The following POU6F1 variants were observed in gnomAD, a reference collection of about 807,000 sequenced individuals.
POU6F1 encodes POU domain, class 6, transcription factor 1.
POU6F1 carries 9 observed loss-of-function variants against 28.9 expected under a neutral mutation model. The observed-to-expected ratio is 0.31, with a 90% CI of 0.19 to 0.54. The LOEUF (loss-of-function observed/expected upper bound fraction) is 0.54, where lower values mean the gene tolerates loss of function less well. Ranked by LOEUF, POU6F1 falls within the 20% of genes least tolerant of loss-of-function variation. The pLI is 0.94. For missense variants in POU6F1, 338 were observed against 426.1 expected (o/e 0.79, Z 1.82); for synonymous variants, 173 against 171.1 (o/e 1.01, Z -0.09).
chr12:51,203,597 T>C (rs1943369812), intron 3 of POU6F1, among the ~76,000 whole-genome samples: 1 of 152,222 alleles, frequency 6.6e-6, no homozygotes. Flanking sequence ...CAGTTTCTTG[T>C]TAAGGAGCTG....
rs1479245684 is a variant in POU6F1 at position 51,217,781 on chromosome 12, G to A, written c.-187C>T. ...CGCCCGCAGACAAAGAAGCCAGTGC[G>A]GCTTGGCTGGGCTCGGCTCGGCCCG... On this transcript the variant is annotated 5_prime_UTR_variant, in exon 1 of 11. Transcript: ENST00000333640. This position sits in a 1 kb window ranked among gnomAD's most constrained non-coding sequence, Gnocchi z 5.3. The A allele has an allele frequency of 7.3e-5, 11 of 151,642 alleles. No homozygotes were observed. Among genetic ancestry groups the A allele is most frequent in the African/African-American group, 9.7e-5 (4 of 41,280 alleles). The allele number at this position is 151,642 out of a possible 1,614,324, so 9.4% of individuals were successfully genotyped here. A position where few individuals can be genotyped will look rare whatever the true frequency, so the allele number is the denominator to read the frequency against.
In POU6F1 at chr12:51,190,651, C is replaced by A. The variant is rs1328070834; in HGVS notation, c.1491-59G>T. 1.5e-5 allele frequency: 23 copies of A among 1,573,136 alleles called. No homozygotes were observed. Among genetic ancestry groups the A allele is most frequent in the Non-Finnish European group, 1.9e-5 (22 of 1,161,592 alleles). Reference sequence around the variant, plus strand: ...AGAGCATGTTGGTCTCTTTGGCACACCCCGCACCTAGGTGCAGGCTCCATC... The same window carrying A: ...AGAGCATGTTGGTCTCTTTGGCACAACCCGCACCTAGGTGCAGGCTCCATC... On this transcript the variant is annotated intron_variant, in intron 10 of 10. Transcript: ENST00000333640. The surrounding 1 kb of genome is among the most constrained non-coding windows in gnomAD (Gnocchi z 4.5).
intron 2 of POU6F1, among the ~76,000 whole-genome samples, chr12:51,206,343 A>G (rs945511481): frequency 7.9e-5 from 12 of 151,288 alleles, no homozygotes; most frequent in African/African-American, 2.9e-4. Context: ...GAATGGTGTG[A>G]ACCCGGGAGG....
chr12:51,212,061 C>CG (rs200539737), intron 1 of POU6F1, among the ~76,000 whole-genome samples: 156 of 143,004 alleles, frequency 1.1e-3, no homozygotes, highest in South Asian at 4.6e-3. Flanking sequence ...CCTTGCCTTT[C>CG]GTTTTTTTTT....
At chr12:51,215,113 G>A (rs533419326) in intron 1 of POU6F1, among the ~76,000 whole-genome samples, 124 of 152,172 alleles carry the variant, frequency 8.1e-4, no homozygotes, top group African/African-American at 2.7e-3. Context: ...CATGAATATG[G>A]GCTGAAAACA....
chr12:51,195,731 G>A (rs1415310930), intron 8 of POU6F1, among the ~76,000 whole-genome samples: 2 of 152,268 alleles, frequency 1.3e-5, no homozygotes, highest in Admixed American at 1.3e-4. Flanking sequence ...ACTGGCATCT[G>A]AGGGCACCTA....
At chr12:51,203,806 G>A (rs561109355) in intron 3 of POU6F1, among the ~76,000 whole-genome samples, 96 of 152,264 alleles carry the variant, frequency 6.3e-4, no homozygotes, top group African/African-American at 1.9e-3. Context: ...TACTCTGCAA[G>A]GTGTTAATGA....
chr12:51,204,435 G>C (rs1239212819), intron 2 of POU6F1, 67 bp from the exon 3 acceptor site: 3 of 398,542 alleles, frequency 7.5e-6, no homozygotes, highest in Non-Finnish European at 1.3e-5. Flanking sequence ...CAAAGCTCTG[G>C]GTATGGTTTG....
intron 1 of POU6F1, among the ~76,000 whole-genome samples, chr12:51,208,121 A>AT: frequency 6.6e-6 from 1 of 151,912 alleles, no homozygotes; most frequent in Admixed American, 6.6e-5. Flanking sequence ...AAAAAAAAAA[A>AT]AAAAAAAATT....
rs564167689 is a variant in POU6F1, at chr12:51,187,046, G to A, written c.*3201C>T. Reference sequence around the variant, plus strand: ...CCTCAGGAAGCTTTGTCTGTGTTGGGAACAGTGAGAACCTCAGTGCCAGAG... The same window carrying A: ...CCTCAGGAAGCTTTGTCTGTGTTGGAAACAGTGAGAACCTCAGTGCCAGAG... On this transcript the variant is annotated 3_prime_UTR_variant, in exon 11 of 11. Coordinates refer to ENST00000333640, the MANE Select transcript of POU6F1 (RefSeq NM_001330422.2). The A allele has an allele frequency of 2.0e-5, 3 of 152,326 alleles. No individual in the cohort carries two copies. The East Asian group carries it at 5.8e-4, about 29-fold the overall frequency. The allele number at this position is 152,326 out of a possible 1,614,324, so 9.4% of individuals were successfully genotyped here. A position where few individuals can be genotyped will look rare whatever the true frequency, so the allele number is the denominator to read the frequency against.
In POU6F1 at chr12:51,187,374, G is replaced by A. The variant is rs1942087619; in HGVS notation, c.*2873C>T. The A allele has an allele frequency of 6.6e-6, 1 of 152,186 alleles. No individual in the cohort carries two copies. Among genetic ancestry groups the A allele is most frequent in the South Asian group, 2.1e-4 (1 of 4,826 alleles). The allele number at this position is 152,186 out of a possible 1,614,324, so 9.4% of individuals were successfully genotyped here. On this transcript the variant is annotated 3_prime_UTR_variant, in exon 11 of 11. Coordinates refer to ENST00000333640, the MANE Select transcript of POU6F1 (RefSeq NM_001330422.2). ...ATAGTAAAGACGACACTAAGCTCTG[G>A]TGTAAGTCCAGAAGATGTTTTCAAA...
intron 1 of POU6F1, among the ~76,000 whole-genome samples, chr12:51,209,715 C>T (rs373066998): frequency 3.3e-5 from 5 of 152,276 alleles, no homozygotes; most frequent in African/African-American, 1.2e-4. Flanking sequence ...CCCTGATCAA[C>T]CAGGTAAGGA....
At chr12:51,205,520 G>A (rs1004101295) in intron 2 of POU6F1, among the ~76,000 whole-genome samples, 2 of 152,168 alleles carry the variant, frequency 1.3e-5, no homozygotes, top group African/African-American at 2.4e-5. Flanking sequence ...TCACCAGCAC[G>A]GAAACCCTGC....
At chr12:51,212,888 A>G (rs1944095957) in intron 1 of POU6F1, among the ~76,000 whole-genome samples, 1 of 152,070 alleles carries the variant, frequency 6.6e-6, no homozygotes, top group Non-Finnish European at 1.5e-5. Context: ...GTGAACAGAA[A>G]GCAGTAAAGA....
intron 8 of POU6F1, among the ~76,000 whole-genome samples, chr12:51,192,936 C>T (rs1366576300): frequency 2.6e-5 from 4 of 151,830 alleles, no homozygotes; most frequent in African/African-American, 9.7e-5. Context: ...TAAGAAACAC[C>T]TTATTAATAC....
At chr12:51,196,952 T>C in intron 6 of POU6F1, 25 bp from the exon 7 acceptor site, 6 of 1,447,888 alleles carry the variant, frequency 4.1e-6, no homozygotes, top group Non-Finnish European at 5.8e-6. Context: ...AGAGCCTTGC[T>C]CAGAAGCCAA....
chr12:51,212,876 G>A (rs1265914949), intron 1 of POU6F1, among the ~76,000 whole-genome samples: 2 of 151,622 alleles, frequency 1.3e-5, no homozygotes, highest in Non-Finnish European at 2.9e-5. Flanking sequence ...GTTTCATGGT[G>A]GGTGAACAGA....
chr12:51,195,951 C>T lies in POU6F1; in HGVS notation c.1179+19G>A. 1 of 1,232,618 alleles carries T rather than the reference C, an allele frequency of 8.1e-7. No homozygotes were observed. Among genetic ancestry groups the T allele is most frequent in the South Asian group, 1.5e-5 (1 of 67,820 alleles). 76.4% of individuals were successfully genotyped at this position (1,232,618 alleles called of 1,614,324 possible). A position where few individuals can be genotyped will look rare whatever the true frequency, so the allele number is the denominator to read the frequency against. ...ATAGCAGAGCCTGCCCCACCCCCCA[C>T]CCCCCCCAGCCCCTGTACCTCACTC... On this transcript the variant is annotated intron_variant, in intron 8 of 10. Transcript: ENST00000333640.
At position 51,198,030 on chromosome 12, in the gene POU6F1, AG is replaced by A; in HGVS notation, c.593-8del. The A allele has an allele frequency of 2.5e-6, 1 of 399,310 alleles. No homozygotes were observed. Among genetic ancestry groups the A allele is most frequent in the Non-Finnish European group, 4.4e-6 (1 of 226,388 alleles). 24.7% of individuals were successfully genotyped at this position (399,310 alleles called of 1,614,324 possible). On this transcript the variant is annotated splice_region_variant and splice_polypyrimidine_tract_variant and intron_variant, in intron 5 of 10. Transcript: ENST00000333640. ...GTGTTCAGCACAGCAGCTGCTATGG[AG>A]CAAGGCAGAGACAGAGGTGCTCAAA... is the stretch of plus-strand genomic sequence containing the variant.
Sources: allele counts gnomAD v4.1 joint callset (sites outside exome capture counted in the v4.1 genomes callset), GRCh38; gene constraint gnomAD v4.1.1; non-coding constraint Gnocchi (gnomAD v3.1); transcripts MANE v1.5; gene names NCBI Gene and HGNC (gene_info 2026-07-23, HGNC 2026-07-21).